Variants in RCN2 observed in about 807,000 individuals in gnomAD.
RCN2 encodes reticulocalbin-2.
A neutral mutation model predicts 37.5 loss-of-function variants in RCN2; 23 were observed. The ratio of observed to expected loss-of-function variants is 0.61; its 90% CI spans 0.44 to 0.87. The LOEUF (loss-of-function observed/expected upper bound fraction) is 0.87, where lower values mean the gene tolerates loss of function less well. RCN2 is among the 40% of genes least tolerant of loss of function. The pLI is 0.00. For missense variants in RCN2, 381 were observed against 390.4 expected, an observed-to-expected ratio of 0.98 and a Z score of 0.20; for synonymous variants, 140 against 144.6, an observed-to-expected ratio of 0.97 and a Z score of 0.23.
Position 76,953,234 on chromosome 15 carries a change from C to G in RCN2, c.*4012C>G, listed in dbSNP as rs1348760850. On this transcript the variant is annotated 3_prime_UTR_variant, in exon 7 of 7. Coordinates refer to ENST00000394885, the MANE Select transcript of RCN2 (RefSeq NM_002902.3). ...CGGGCATGAGCCACCGCGCCCAGCCCCATTCTAGTTTGTGTCTATTAAAAT... is the reference window on the plus strand; with the variant it reads ...CGGGCATGAGCCACCGCGCCCAGCCGCATTCTAGTTTGTGTCTATTAAAAT... The G allele has an allele frequency of 2.0e-5, 3 of 151,958 alleles. No homozygotes were observed. Among genetic ancestry groups the G allele is most frequent in the Admixed American group, 6.6e-5 (1 of 15,238 alleles). 9.4% of individuals were successfully genotyped at this position (151,958 alleles called of 1,614,324 possible). A position where few individuals can be genotyped will look rare whatever the true frequency, so the allele number is the denominator to read the frequency against.
In RCN2 at chr15:76,936,064, G is replaced by A. The variant is rs541787216; in HGVS notation, c.447+342G>A. 5.9e-5 allele frequency among the ~76,000 whole-genome samples: 9 copies of A among 151,434 alleles called. 1 individual carries two copies. In the East Asian group the frequency reaches 1.4e-3, roughly 23 times the overall value. On this transcript the variant is annotated intron_variant, in intron 3 of 6. Coordinates refer to ENST00000394885, the MANE Select transcript of RCN2 (RefSeq NM_002902.3). ...TATCTTTATTAAGAAGGCCATTATGGCCCATTCCCATTTTTAAACACATAG... is the reference window on the plus strand; with the variant it reads ...TATCTTTATTAAGAAGGCCATTATGACCCATTCCCATTTTTAAACACATAG...
intron 3 of RCN2, 25 bp from the exon 4 acceptor site, chr15:76,943,733 T>C (rs1344870628): frequency 7.9e-7 from 1 of 1,271,870 alleles, no homozygotes; most frequent in Non-Finnish European, 1.1e-6. Flanking sequence ...TGTGGTATAC[T>C]AATGAGAAAT....
chr15:76,949,267 G>T lies in RCN2; in HGVS notation c.*45G>T, dbSNP rs1252443180. 13 of 1,309,558 alleles carry T rather than the reference G, an allele frequency of 9.9e-6. No homozygotes were observed. Among genetic ancestry groups the T allele is most frequent in the African/African-American group, 3.0e-5 (2 of 66,368 alleles). 81.1% of individuals were successfully genotyped at this position (1,309,558 alleles called of 1,614,324 possible). A position where few individuals can be genotyped will look rare whatever the true frequency, so the allele number is the denominator to read the frequency against. On this transcript the variant is annotated 3_prime_UTR_variant, in exon 7 of 7. Transcript: ENST00000394885. Reference sequence around the variant, plus strand: ...AGAGTACTGGCTCCTTTTATAATTTGTTACCAGCTTTACTTTTGTGATAAA... The same window carrying T: ...AGAGTACTGGCTCCTTTTATAATTTTTTACCAGCTTTACTTTTGTGATAAA...
chr15:76,932,667 A>G (rs2075229587), intron 2 of RCN2, among the ~76,000 whole-genome samples: 1 of 150,782 alleles, frequency 6.6e-6, no homozygotes, highest in Admixed American at 6.6e-5. Flanking sequence ...CCAGTTATAT[A>G]TAAACATCAT....
At chr15:76,944,729 G>A (rs1368725082) in intron 4 of RCN2, among the ~76,000 whole-genome samples, 4 of 152,104 alleles carry the variant, frequency 2.6e-5, no homozygotes, top group Non-Finnish European at 4.4e-5. Flanking sequence ...TTTTATGACT[G>A]AATAGTACTC....
chr15:76,933,572 A>G (rs1342199556), intron 2 of RCN2, among the ~76,000 whole-genome samples: 1 of 152,216 alleles, frequency 6.6e-6, no homozygotes, highest in East Asian at 1.9e-4. Context: ...ATGTTCAAAT[A>G]TTTAATAGTA....
chr15:76,943,437 T>C, intron 3 of RCN2: 1 of 210,700 alleles, frequency 4.7e-6, no homozygotes, highest in Non-Finnish European at 9.5e-6. Flanking sequence ...AATGGTGTGG[T>C]AGGGATTCTC....
Position 76,951,876 on chromosome 15 carries a change from C to A in RCN2, c.*2654C>A, listed in dbSNP as rs991971924. 27 of 152,016 alleles carry A rather than the reference C, an allele frequency of 1.8e-4. No individual in the cohort carries two copies. Among genetic ancestry groups the A allele is most frequent in the African/African-American group, 6.3e-4 (26 of 41,384 alleles). The allele number at this position is 152,016 out of a possible 1,614,324, so 9.4% of individuals were successfully genotyped here. A position where few individuals can be genotyped will look rare whatever the true frequency, so the allele number is the denominator to read the frequency against. On this transcript the variant is annotated 3_prime_UTR_variant, in exon 7 of 7. Transcript: ENST00000394885. ...TGAATGGGATGTGCACATGTTGGCT[C>A]ATATGTAGTTCTGATTGGGCCAATT...
chr15:76,947,429 C>T lies in RCN2; in HGVS notation c.570C>T (p.Val190=). The T allele has an allele frequency of 1.3e-6, 2 of 1,581,242 alleles. No individual in the cohort carries two copies. The highest frequency in any genetic ancestry group is 1.9e-5 in the Admixed American group (1 of 53,518). Residue 190 remains valine, a synonymous_variant, in exon 5 of 7, where the codon GTC becomes GTT. Transcript: ENST00000394885. The part of the protein sequence containing the change: ...PEEVDYMTEF[V]IQEALEEHDK... ...TAATGAACGTGGAATAGGAATTTGT[C>T]ATTCAAGAAGCTTTAGAAGAACATG...
rs145790688 is a variant in RCN2, at chr15:76,937,639, G to A, written c.447+1917G>A. 9.3e-4 allele frequency among the ~76,000 whole-genome samples: 141 copies of A among 152,026 alleles called. 1 individual carries two copies. The East Asian group carries it at 0.017, about 18-fold the overall frequency. ...CCCAGGCTAGTCTCAAACTCCTGAG[G>A]TCAAGTGATCTACCCACCTCAGCCT... On this transcript the variant is annotated intron_variant, in intron 3 of 6. Transcript: ENST00000394885.
rs2075331625 is a variant in RCN2 at position 76,953,570 on chromosome 15, TATATATATATATATATA to T, written c.*4349_*4365del. On this transcript the variant is annotated 3_prime_UTR_variant, in exon 7 of 7. Transcript: ENST00000394885. ...TATAGTAATTCTATATATATATATA[TATATATATATATATATA>T]TATATATTTTTTTTTTTTTTTTTTT... The T allele has an allele frequency of 5.8e-5, 1 of 17,156 alleles. No individual in the cohort carries two copies. The highest frequency in any genetic ancestry group is 1.2e-4 in the Non-Finnish European group (1 of 8,204). The allele number at this position is 17,156 out of a possible 1,614,324, so 1.1% of individuals were successfully genotyped here.
intron 2 of RCN2, among the ~76,000 whole-genome samples, chr15:76,933,786 G>A (rs76259445): frequency 0.077 from 11,664 of 152,138 alleles, 495 homozygotes; most frequent in Middle Eastern, 0.1. Flanking sequence ...TGGTGCTTAC[G>A]AAAGCCTTCA....
intron 3 of RCN2, among the ~76,000 whole-genome samples, chr15:76,937,210 A>G (rs2075254611): frequency 6.6e-6 from 1 of 152,196 alleles, no homozygotes; most frequent in South Asian, 2.1e-4. Flanking sequence ...CTTTTGGAGC[A>G]CTGACACGAC....
chr15:76,941,557 A>G (rs1596004784), intron 3 of RCN2: 3 of 728,942 alleles, frequency 4.1e-6, no homozygotes, highest in Non-Finnish European at 6.6e-6. Flanking sequence ...CTCTACTAGA[A>G]TACAAAGTTT....
In RCN2 at chr15:76,954,102, CGTT is replaced by C. The variant is rs1331441277; in HGVS notation, c.*4883_*4885del. 15 of 144,588 alleles carry C rather than the reference CGTT, an allele frequency of 1.0e-4. 1 individual carries two copies. The highest frequency in any genetic ancestry group is 3.9e-4 in the African/African-American group (15 of 38,884). The allele number at this position is 144,588 out of a possible 1,614,324, so 9.0% of individuals were successfully genotyped here. ...TCCTGTTGGGTGAGACGTGGTATCT[CGTT>C]GTGGCTTTGATTTGCATTTCCCTAA... On this transcript the variant is annotated 3_prime_UTR_variant, in exon 7 of 7. Transcript: ENST00000394885.
chr15:76,938,693 C>CT lies in RCN2; in HGVS notation c.447+2972dup, dbSNP rs1398044828. 1.5e-5 allele frequency: 7 copies of CT among 454,134 alleles called. No individual in the cohort carries two copies. In the East Asian group the frequency reaches 4.9e-4, roughly 32 times the overall value. The allele number at this position is 454,134 out of a possible 1,614,324, so 28.1% of individuals were successfully genotyped here. A position where few individuals can be genotyped will look rare whatever the true frequency, so the allele number is the denominator to read the frequency against. On this transcript the variant is annotated intron_variant, in intron 3 of 6. Transcript: ENST00000394885. Reference sequence around the variant, plus strand: ...TGAACTCTGTAAGCCACCACTAACTCTAAGTTGGTTAATTCTCTGCTAATA... The same window carrying CT: ...TGAACTCTGTAAGCCACCACTAACTCTTAAGTTGGTTAATTCTCTGCTAATA...
Position 76,951,203 on chromosome 15 carries a change from T to C in RCN2, c.*1981T>C, listed in dbSNP as rs2075319213. On this transcript the variant is annotated 3_prime_UTR_variant, in exon 7 of 7. Coordinates refer to ENST00000394885, the MANE Select transcript of RCN2 (RefSeq NM_002902.3). Reference sequence around the variant, plus strand: ...AATGCAATGTCTGTACTACTTTCCTTCCTAGCATAAAGAAAACTACACTTC... The same window carrying C: ...AATGCAATGTCTGTACTACTTTCCTCCCTAGCATAAAGAAAACTACACTTC... 1 of 152,260 alleles carries C rather than the reference T, an allele frequency of 6.6e-6. No homozygotes were observed. Among genetic ancestry groups the C allele is most frequent in the Non-Finnish European group, 1.5e-5 (1 of 68,052 alleles). 9.4% of individuals were successfully genotyped at this position (152,260 alleles called of 1,614,324 possible).
At chr15:76,945,014 G>A (rs1278587722) in intron 4 of RCN2, among the ~76,000 whole-genome samples, 2 of 152,178 alleles carry the variant, frequency 1.3e-5, no homozygotes, top group Non-Finnish European at 2.9e-5. Context: ...TTTAAAACCT[G>A]TTCATTAAGT....
chr15:76,947,631 T>A, intron 5 of RCN2, 114 bp downstream of exon 5: 2 of 690,290 alleles, frequency 2.9e-6, no homozygotes, highest in Non-Finnish European at 5.0e-6. Flanking sequence ...GATCTGTGTC[T>A]GATCCTACTT....
Sources: allele counts gnomAD v4.1 joint callset (sites outside exome capture counted in the v4.1 genomes callset), GRCh38; gene constraint gnomAD v4.1.1; transcripts MANE v1.5; gene names NCBI Gene and HGNC (gene_info 2026-07-23, HGNC 2026-07-21).